The following RBMS3 variants were observed in gnomAD, a reference collection of about 807,000 sequenced individuals.
RBMS3 encodes the protein RNA binding motif single stranded interacting protein 3.
A neutral mutation model predicts 66.8 loss-of-function variants in RBMS3; 27 were observed. The observed-to-expected ratio is 0.40, with a 90% CI of 0.30 to 0.56. RBMS3 has a LOEUF of 0.56. RBMS3 is among the 20% of genes least tolerant of loss of function. RBMS3 has a pLI of 0.40. For synonymous variants in RBMS3, 188 were observed against 183.0 expected (o/e 1.03, Z -0.22); for missense variants, 513 against 549.5 (o/e 0.93, Z 0.66).
At chr3:29,656,518 A>G (rs1225684854) in intron 4 of RBMS3, among the ~76,000 whole-genome samples, 1 of 152,216 alleles carries the variant, frequency 6.6e-6, no homozygotes, top group Non-Finnish European at 1.5e-5. Flanking sequence ...AAATTACCTA[A>G]TGATGCATGT....
chr3:29,726,437 C>T lies in RBMS3; in HGVS notation c.400-13283C>T, dbSNP rs9818974. Among the ~76,000 whole-genome samples the T allele has an allele frequency of 3.4e-3, 510 of 152,202 alleles. 4 individuals are homozygous for T. The highest frequency in any genetic ancestry group is 0.012 in the African/African-American group (484 of 41,536). On this transcript the variant is annotated intron_variant, in intron 4 of 14. Coordinates refer to ENST00000383767, the MANE Select transcript of RBMS3 (RefSeq NM_001003793.3). Reference sequence around the variant, plus strand: ...TCAAATTGTCTCTGTTTGCAGATGACGTGATTTTATATTTAGAAAACACCA... The same window carrying T: ...TCAAATTGTCTCTGTTTGCAGATGATGTGATTTTATATTTAGAAAACACCA...
intron 4 of RBMS3, among the ~76,000 whole-genome samples, chr3:29,622,737 T>C (rs1235647034): frequency 6.6e-6 from 1 of 152,162 alleles, no homozygotes; most frequent in Non-Finnish European, 1.5e-5. Flanking sequence ...ACTGCCCCAG[T>C]TCACATTCCA....
Position 29,747,551 on chromosome 3 carries a change from CT to C in RBMS3, c.557+7678del, listed in dbSNP as rs1445150071. Among the ~76,000 whole-genome samples the C allele has an allele frequency of 3.3e-5, 5 of 152,230 alleles. No homozygotes were observed. The East Asian group carries it at 5.8e-4, about 18-fold the overall frequency. ...TACATACACCCACAAAAAAAATCTG[CT>C]TTTACAGACCAACATTCTACTGGAT... On this transcript the variant is annotated intron_variant, in intron 5 of 14. Transcript: ENST00000383767.
At chr3:29,508,743 T>C (rs1046355333) in intron 3 of RBMS3, among the ~76,000 whole-genome samples, 1 of 151,946 alleles carries the variant, frequency 6.6e-6, no homozygotes, top group Non-Finnish European at 1.5e-5. Context: ...TCAAATGGTA[T>C]TTCTGGTTCT....
chr3:29,641,730 T>C (rs1282405175), intron 4 of RBMS3, among the ~76,000 whole-genome samples: 1 of 152,070 alleles, frequency 6.6e-6, no homozygotes, highest in Admixed American at 6.6e-5. Flanking sequence ...TCTTTAATTG[T>C]CATATTCACT....
At chr3:29,377,573 C>G (rs1055710771) in intron 1 of RBMS3, among the ~76,000 whole-genome samples, 2 of 152,144 alleles carry the variant, frequency 1.3e-5, no homozygotes, top group African/African-American at 4.8e-5. Context: ...GATTGCATGC[C>G]CCTCTGAGCA....
chr3:29,983,646 A>G (rs1015844018), intron 12 of RBMS3, among the ~76,000 whole-genome samples: 2 of 152,008 alleles, frequency 1.3e-5, no homozygotes, highest in African/African-American at 2.4e-5. Flanking sequence ...CTTGTCTGTA[A>G]AGGATTTTAT....
intron 3 of RBMS3, among the ~76,000 whole-genome samples, chr3:29,580,968 T>G (rs983514462): frequency 6.6e-6 from 1 of 152,222 alleles, no homozygotes; most frequent in African/African-American, 2.4e-5. Context: ...TGGCTTCTTT[T>G]CTGTATCAAC....
intron 12 of RBMS3, among the ~76,000 whole-genome samples, chr3:29,965,019 C>A (rs886517494): frequency 6.6e-6 from 1 of 152,104 alleles, no homozygotes; most frequent in African/African-American, 2.4e-5. Flanking sequence ...AGTCTCCAAT[C>A]TCATCCAGGT....
At chr3:29,768,026 T>G (rs965490588) in intron 6 of RBMS3, among the ~76,000 whole-genome samples, 2 of 151,966 alleles carry the variant, frequency 1.3e-5, no homozygotes, top group African/African-American at 4.8e-5. Context: ...CTCCAAATGT[T>G]TTATCTTTGT....
In RBMS3 at chr3:29,283,130, G is replaced by A. The variant is rs540464935; in HGVS notation, c.75+1374G>A. On this transcript the variant is annotated intron_variant, in intron 1 of 14. Coordinates refer to ENST00000383767, the MANE Select transcript of RBMS3 (RefSeq NM_001003793.3). The stretch of plus-strand genomic sequence containing the variant: ...ATTCCTCAAGGAAATGGCAGAGCAA[G>A]GACAAGTTAAAAGGGGAAAATTTAC... Among the ~76,000 whole-genome samples the A allele has an allele frequency of 2.0e-5, 3 of 152,098 alleles. No homozygotes were observed. The South Asian group carries it at 6.2e-4, about 32-fold the overall frequency.
At chr3:30,001,905 A>G (rs1699632660) in intron 14 of RBMS3, among the ~76,000 whole-genome samples, 1 of 152,042 alleles carries the variant, frequency 6.6e-6, no homozygotes, top group South Asian at 2.1e-4. Flanking sequence ...TAGGAATTTC[A>G]GTGCAATCCA....
chr3:29,493,689 A>T (rs2043634378), intron 3 of RBMS3, among the ~76,000 whole-genome samples: 1 of 152,074 alleles, frequency 6.6e-6, no homozygotes, highest in African/African-American at 2.4e-5. Flanking sequence ...TTATGTTTAT[A>T]TTTTGATTGT....
At chr3:29,586,543 T>C (rs2047526082) in intron 3 of RBMS3, among the ~76,000 whole-genome samples, 2 of 152,146 alleles carry the variant, frequency 1.3e-5, no homozygotes, top group Admixed American at 6.5e-5. Flanking sequence ...ATAGACAAGA[T>C]AATGGAAGAG....
intron 6 of RBMS3, among the ~76,000 whole-genome samples, chr3:29,774,581 G>T (rs1024486467): frequency 6.6e-6 from 1 of 152,086 alleles, no homozygotes; most frequent in African/African-American, 2.4e-5. Flanking sequence ...TACAAAGGGT[G>T]TTACAGAGAC....
intron 7 of RBMS3, among the ~76,000 whole-genome samples, chr3:29,879,040 A>G (rs940947665): frequency 2.6e-5 from 4 of 152,154 alleles, no homozygotes; most frequent in Non-Finnish European, 4.4e-5. Flanking sequence ...ACCTGTGTCT[A>G]AAATATTTAA....
intron 4 of RBMS3, among the ~76,000 whole-genome samples, chr3:29,655,358 G>A (rs2149219432): frequency 6.6e-6 from 1 of 152,312 alleles, no homozygotes; most frequent in South Asian, 2.1e-4. Context: ...CTCTGGTGAA[G>A]CATAAAGTAG....
intron 2 of RBMS3, among the ~76,000 whole-genome samples, chr3:29,483,096 G>A (rs185565188): frequency 1.3e-5 from 2 of 151,362 alleles, no homozygotes; most frequent in Non-Finnish European, 1.5e-5. Context: ...TCCCTTAGTC[G>A]AGATCGAGAC....
chr3:29,691,909 A>G (rs1376501279), intron 4 of RBMS3, among the ~76,000 whole-genome samples: 2 of 143,834 alleles, frequency 1.4e-5, no homozygotes, highest in Non-Finnish European at 3.0e-5. Flanking sequence ...AGTTAAGTAT[A>G]AATCTTATTT....
Sources: allele counts gnomAD v4.1 joint callset (sites outside exome capture counted in the v4.1 genomes callset), GRCh38; gene constraint gnomAD v4.1.1; transcripts MANE v1.5; gene names NCBI Gene and HGNC (gene_info 2026-07-23, HGNC 2026-07-21).